The following FER variants were observed in gnomAD, a reference collection of about 807,000 sequenced individuals.
FER encodes tyrosine-protein kinase Fer.
In FER, 63 loss-of-function variants were observed where a neutral mutation model predicts 111.0. The ratio of observed to expected loss-of-function variants is 0.57; its 90% CI spans 0.46 to 0.70. The LOEUF is 0.70. FER is among the 30% of genes least tolerant of loss of function. The probability of loss-of-function intolerance (pLI) is 0.00; values close to 1 mark genes in which losing one functional copy is unlikely to be tolerated. For missense variants in FER, 914 were observed against 954.0 expected (o/e 0.96, Z 0.55); for synonymous variants, 327 against 313.9 (o/e 1.04, Z -0.44).
intron 16 of FER, among the ~76,000 whole-genome samples, chr5:109,091,561 G>T (rs898935808): frequency 1.3e-5 from 2 of 152,164 alleles, no homozygotes; most frequent in Non-Finnish European, 2.9e-5. Context: ...CAGGGGCTCA[G>T]TGCTACTCCT....
chr5:108,834,752 A>G (rs1034541897), intron 4 of FER, among the ~76,000 whole-genome samples: 3 of 151,944 alleles, frequency 2.0e-5, no homozygotes, highest in African/African-American at 7.2e-5. Flanking sequence ...ATAGTTTTAC[A>G]AAGTTAACCA....
chr5:109,178,877 ATACAT>A (rs1278009912), intron 17 of FER, among the ~76,000 whole-genome samples: 1 of 152,222 alleles, frequency 6.6e-6, no homozygotes, highest in African/African-American at 2.4e-5. Context: ...CATTAAATCT[ATACAT>A]TAATTTGGGC....
Position 108,954,771 on chromosome 5 carries a change from C to G in FER, c.1372C>G (p.Gln458Glu), listed in dbSNP as rs769262954. 1.2e-6 allele frequency: 2 copies of G among 1,609,796 alleles called. No individual in the cohort carries two copies. The highest frequency in any genetic ancestry group is 1.7e-5 in the Admixed American group (1 of 59,666). Residue 458 changes from glutamine to glutamate, a missense_variant, in exon 12 of 20, where the codon CAG becomes GAG. This residue lies in a region of FER where 774 missense variants were observed against 782.6 expected (regional missense o/e 0.99). Coordinates refer to ENST00000281092, the MANE Select transcript of FER (RefSeq NM_005246.4). ...CATCAGTGAGAAGCCTTTGGCAGAA[C>G]AGGACTGGTACCATGGTGCAATTCC... is the stretch of plus-strand genomic sequence containing the variant. ...ISISEKPLAE[Q>E]DWYHGAIPRI...
intron 10 of FER, among the ~76,000 whole-genome samples, chr5:108,904,394 G>A (rs1336252119): frequency 6.6e-6 from 1 of 152,182 alleles, no homozygotes; most frequent in Non-Finnish European, 1.5e-5. Context: ...AACTGAGAGA[G>A]CAAATGAGAC....
intron 13 of FER, among the ~76,000 whole-genome samples, chr5:109,004,206 T>C (rs1765207285): frequency 6.6e-6 from 1 of 152,188 alleles, no homozygotes; most frequent in Admixed American, 6.5e-5. Context: ...CATTGGCTAC[T>C]TAAACATTTA....
In FER at chr5:109,043,920, G is replaced by A. The variant is rs546726326; in HGVS notation, c.1714-760G>A. On this transcript the variant is annotated intron_variant, in intron 14 of 19. Transcript: ENST00000281092. The stretch of plus-strand genomic sequence containing the variant: ...TGGGAGGCGGAGGTTGCAGTGAGCC[G>A]AGATTGTGCTGCTGCACTCCAGACT... Among the ~76,000 whole-genome samples, 7 of 151,944 alleles carry A rather than the reference G, an allele frequency of 4.6e-5. No homozygotes were observed. The South Asian group carries it at 8.3e-4, about 18-fold the overall frequency.
At chr5:108,759,625 A>T (rs1029707425) in intron 1 of FER, among the ~76,000 whole-genome samples, 41 of 152,378 alleles carry the variant, frequency 2.7e-4, no homozygotes, top group Non-Finnish European at 2.9e-4. Context: ...GTCAAGGTGT[A>T]GACATCTCAT....
intron 17 of FER, among the ~76,000 whole-genome samples, chr5:109,114,084 G>A (rs1749951088): frequency 1.3e-5 from 2 of 152,100 alleles, no homozygotes; most frequent in East Asian, 1.9e-4. Context: ...AAGTCTGTGT[G>A]TCCACTCAGT....
intron 9 of FER, among the ~76,000 whole-genome samples, chr5:108,895,284 T>C (rs933521825): frequency 1.3e-5 from 2 of 152,190 alleles, no homozygotes; most frequent in African/African-American, 4.8e-5. Context: ...AAAATGGATA[T>C]GTTGTCTATC....
chr5:109,027,995 T>G (rs1358475355), intron 13 of FER, among the ~76,000 whole-genome samples: 3 of 152,236 alleles, frequency 2.0e-5, no homozygotes, highest in Non-Finnish European at 4.4e-5. Flanking sequence ...TGAAACCTTA[T>G]TTTTAAGTGA....
At chr5:108,993,286 C>T (rs533987704) in intron 13 of FER, among the ~76,000 whole-genome samples, 15 of 152,350 alleles carry the variant, frequency 9.8e-5, no homozygotes, top group South Asian at 4.1e-4. Flanking sequence ...TCTGCAATCC[C>T]GGCACCTCGG....
intron 13 of FER, among the ~76,000 whole-genome samples, chr5:109,025,288 T>C (rs1768546089): frequency 6.6e-6 from 1 of 152,110 alleles, no homozygotes; most frequent in Non-Finnish European, 1.5e-5. Context: ...TATCCTCTTT[T>C]ATTTCCTTGA....
intron 13 of FER, among the ~76,000 whole-genome samples, chr5:109,023,587 C>A (rs183043477): frequency 2.4e-3 from 360 of 152,180 alleles, no homozygotes; most frequent in African/African-American, 8.3e-3. Flanking sequence ...AAATGCCAAT[C>A]TATCTAAATG....
At chr5:108,759,444 C>G (rs2149926745) in intron 1 of FER, among the ~76,000 whole-genome samples, 1 of 152,344 alleles carries the variant, frequency 6.6e-6, no homozygotes, top group South Asian at 2.1e-4. Context: ...TTACCCAATT[C>G]CAGAGCTGCT....
At chr5:108,760,248 G>A (rs536913233) in intron 1 of FER, among the ~76,000 whole-genome samples, 102 of 150,212 alleles carry the variant, frequency 6.8e-4, no homozygotes, top group Non-Finnish European at 1.1e-3. Flanking sequence ...CTGTCATACA[G>A]CCTTTGTGTT....
At chr5:108,891,662 T>C (rs1748080232) in intron 9 of FER, 1 of 151,164 alleles carries the variant, frequency 6.6e-6, no homozygotes. Flanking sequence ...GTTTGTTTTT[T>C]TTTTCTTTTT....
intron 5 of FER, among the ~76,000 whole-genome samples, chr5:108,849,381 T>G (rs956612408): frequency 2.6e-5 from 4 of 152,150 alleles, no homozygotes; most frequent in Non-Finnish European, 5.9e-5. Flanking sequence ...TTAGTTTCTA[T>G]GACTATGTCT....
At chr5:109,016,713 ATTC>A (rs1329072685) in intron 13 of FER, among the ~76,000 whole-genome samples, 13 of 152,158 alleles carry the variant, frequency 8.5e-5, no homozygotes, top group African/African-American at 2.9e-4. Context: ...TTTAGAATCT[ATTC>A]TTTATTTGAA....
intron 13 of FER, among the ~76,000 whole-genome samples, chr5:109,018,850 G>A (rs192675260): frequency 2.2e-4 from 33 of 151,676 alleles, no homozygotes; most frequent in African/African-American, 6.7e-4. Context: ...TTTTTCCCAA[G>A]CCCTTGTTTG....
Sources: gnomAD v4.1 joint callset for allele counts (sites outside exome capture counted in the v4.1 genomes callset) on GRCh38, gnomAD v4.1.1 for gene constraint, gnomAD v4.1.1 regional missense constraint, MANE v1.5 for transcripts, NCBI Gene and HGNC (gene_info 2026-07-23, HGNC 2026-07-21) for gene names.